TENM3: variants seen among roughly 807,000 people sequenced by gnomAD.
TENM3 encodes teneurin-3.
TENM3 carries 63 observed loss-of-function variants against 255.1 expected under a neutral mutation model. The observed-to-expected ratio is 0.25, with a 90% CI of 0.20 to 0.30. The LOEUF (loss-of-function observed/expected upper bound fraction) is 0.30, where lower values mean the gene tolerates loss of function less well. Ranked by LOEUF, TENM3 falls within the 10% of genes least tolerant of loss-of-function variation. TENM3 has a pLI of 1.00. For missense variants in TENM3, 2,929 were observed against 3,461.1 expected (o/e 0.85, Z 3.86); for synonymous variants, 1,306 against 1,322.3 (o/e 0.99, Z 0.27).
chr4:182,783,381 G>A (rs1185323918), intron 24 of TENM3, among the ~76,000 whole-genome samples: 1 of 152,036 alleles, frequency 6.6e-6, no homozygotes, highest in Non-Finnish European at 1.5e-5. Context: ...TTGAATATTG[G>A]CCCCCACTCT....
the TENM3 span, among the ~76,000 whole-genome samples, chr4:182,047,548 G>A: frequency 2.9e-5 from 3 of 102,820 alleles, no homozygotes; most frequent in African/African-American, 4.0e-5. Flanking sequence ...GTGACAGAAC[G>A]AGACTCCATC....
At chr4:181,939,754 C>G in the TENM3 span, among the ~76,000 whole-genome samples, 1 of 152,066 alleles carries the variant, frequency 6.6e-6, no homozygotes, top group African/African-American at 2.4e-5. Flanking sequence ...TGGAGAATAC[C>G]GCTTGATGAG....
At chr4:181,623,349 T>A in the TENM3 span, among the ~76,000 whole-genome samples, 159 of 152,340 alleles carry the variant, frequency 1.0e-3, 1 homozygote, top group Middle Eastern at 0.01. Flanking sequence ...TGCTATACCC[T>A]GTAAAGTTCC....
intron 3 of TENM3, among the ~76,000 whole-genome samples, chr4:182,418,607 C>T (rs1770559716): frequency 6.6e-6 from 1 of 152,162 alleles, no homozygotes; most frequent in Admixed American, 6.6e-5. Context: ...GTTACCCAGC[C>T]TGGAGTGTGG....
chr4:181,753,845 T>C, the TENM3 span, among the ~76,000 whole-genome samples: 2 of 152,172 alleles, frequency 1.3e-5, no homozygotes, highest in Non-Finnish European at 2.9e-5. Context: ...TACCCACACA[T>C]TGTACTAGGT....
intron 3 of TENM3, among the ~76,000 whole-genome samples, chr4:182,444,104 A>G (rs1261961708): frequency 6.6e-6 from 1 of 152,246 alleles, no homozygotes; most frequent in African/African-American, 2.4e-5. Flanking sequence ...TACTGTAGAC[A>G]TCTGTGAAAA....
the TENM3 span, among the ~76,000 whole-genome samples, chr4:181,965,759 T>A: frequency 1.4e-4 from 21 of 152,186 alleles, no homozygotes; most frequent in African/African-American, 5.1e-4. Flanking sequence ...CATCCCCTTT[T>A]TAATGCCAGT....
chr4:182,563,287 AGG>A (rs1743404889), intron 3 of TENM3, among the ~76,000 whole-genome samples: 1 of 152,086 alleles, frequency 6.6e-6, no homozygotes, highest in African/African-American at 2.4e-5. Flanking sequence ...AAAATTAGCC[AGG>A]TATGATGGTG....
intron 3 of TENM3, among the ~76,000 whole-genome samples, chr4:182,584,921 C>T (rs1251833730): frequency 2.6e-5 from 4 of 152,098 alleles, no homozygotes; most frequent in South Asian, 2.1e-4. Flanking sequence ...GGATTACAGG[C>T]GTGAGCCACC....
intron 3 of TENM3, among the ~76,000 whole-genome samples, chr4:182,355,090 T>C (rs761756090): frequency 6.6e-5 from 10 of 152,158 alleles, no homozygotes; most frequent in Admixed American, 3.3e-4. Context: ...AGAGTCAGTG[T>C]CAGCCCAGAG....
chr4:181,905,938 G>T, the TENM3 span: 1 of 566,514 alleles, frequency 1.8e-6, no homozygotes, highest in Non-Finnish European at 3.3e-6. Context: ...TCCAACTTCG[G>T]TTTCAGAACA....
At chr4:181,699,474 AAAG>A in the TENM3 span, among the ~76,000 whole-genome samples, 2 of 135,240 alleles carry the variant, frequency 1.5e-5, no homozygotes, top group African/African-American at 5.8e-5. Flanking sequence ...AAAAAAAAAG[AAAG>A]AAAGAAAAAG....
At chr4:181,774,079 A>G in the TENM3 span, among the ~76,000 whole-genome samples, 1 of 102,282 alleles carries the variant, frequency 9.8e-6, no homozygotes, top group Admixed American at 1.1e-4. Context: ...GGTTAGTTAC[A>G]TATGTATACA....
chr4:182,206,023 G>A (rs546821625), intron 1 of TENM3, among the ~76,000 whole-genome samples: 3 of 150,518 alleles, frequency 2.0e-5, no homozygotes, highest in Admixed American at 6.7e-5. Flanking sequence ...TAATTTACAC[G>A]ATCCACCGAA....
chr4:181,754,026 A>G, the TENM3 span, among the ~76,000 whole-genome samples: 1 of 152,142 alleles, frequency 6.6e-6, no homozygotes, highest in African/African-American at 2.4e-5. Context: ...ATTGACAAGT[A>G]TGTTTTTTGC....
intron 7 of TENM3, among the ~76,000 whole-genome samples, chr4:182,677,758 C>CA (rs1204786296): frequency 1.3e-5 from 2 of 151,524 alleles, no homozygotes; most frequent in African/African-American, 2.4e-5. Context: ...CACAAAAGAA[C>CA]AAAAAAAGGT....
chr4:182,029,041 A>G, the TENM3 span, among the ~76,000 whole-genome samples: 6 of 152,158 alleles, frequency 3.9e-5, no homozygotes, highest in Admixed American at 1.3e-4. Context: ...TGGGCAATTT[A>G]TAAGAAAAGC....
At chr4:182,374,678 T>G (rs1370921616) in intron 3 of TENM3, among the ~76,000 whole-genome samples, 1 of 152,206 alleles carries the variant, frequency 6.6e-6, no homozygotes, top group African/African-American at 2.4e-5. Context: ...AAACTTTTTT[T>G]AGTCCTGAGT....
the TENM3 span, among the ~76,000 whole-genome samples, chr4:181,718,984 A>C: frequency 2.0e-5 from 3 of 152,024 alleles, no homozygotes; most frequent in Non-Finnish European, 4.4e-5. Flanking sequence ...AGGCGGGTGG[A>C]TCATGAGGTC....
Sources: allele counts gnomAD v4.1 joint callset (sites outside exome capture counted in the v4.1 genomes callset), GRCh38; gene constraint gnomAD v4.1.1; transcripts MANE v1.5; gene names NCBI Gene and HGNC (gene_info 2026-07-23, HGNC 2026-07-21).